ARMC6: variants seen among roughly 807,000 people sequenced by gnomAD.
ARMC6 encodes armadillo repeat containing 6.
ARMC6 carries 43 observed loss-of-function variants against 49.2 expected under a neutral mutation model. The observed-to-expected ratio is 0.87, with a 90% CI of 0.69 to 1.13. The LOEUF is 1.13. ARMC6 is among the 50% of genes most tolerant of loss of function. The pLI is 0.00. For synonymous variants in ARMC6, 262 were observed against 289.6 expected (o/e 0.90, Z 0.97); for missense variants, 627 against 682.0 (o/e 0.92, Z 0.90).
At position 19,051,670 on chromosome 19, in the gene ARMC6, G is replaced by A. The variant is rs1206061772; in HGVS notation, c.328G>A (p.Val110Met). ...ESVASSRPQE[V>M]SAYLTRFCDQ... ...TGTGGCCAGCTCTCGCCCCCAGGAG[G>A]TGTCAGCATACCTCACCCGCTTCTG... The change falls in exon 5 of 9, where the codon GTG becomes ATG. Residue 110 changes from valine to methionine, a missense_variant. Coordinates refer to ENST00000535612, the MANE Select transcript of ARMC6 (RefSeq NM_001199196.2). The A allele has an allele frequency of 1.9e-6, 3 of 1,612,972 alleles. No homozygotes were observed. Among genetic ancestry groups the A allele is most frequent in the African/African-American group, 2.7e-5 (2 of 74,898 alleles).
rs1159576897 is a variant in ARMC6 at position 19,033,661 on chromosome 19, G to A, written c.-349G>A. The stretch of plus-strand genomic sequence containing the variant: ...GCTTCTTCTGGGCGGACGCTCTGGA[G>A]GCAAAACATTTCCCTGCTGGGGGCG... On this transcript the variant is annotated 5_prime_UTR_variant, in exon 1 of 9. Coordinates refer to ENST00000535612, the MANE Select transcript of ARMC6 (RefSeq NM_001199196.2). 4 of 758,594 alleles carry A rather than the reference G, an allele frequency of 5.3e-6. No individual in the cohort carries two copies. The highest frequency in any genetic ancestry group is 9.9e-5 in the Admixed American group (2 of 20,260). The allele number at this position is 758,594 out of a possible 1,614,324, so 47.0% of individuals were successfully genotyped here. A position where few individuals can be genotyped will look rare whatever the true frequency, so the allele number is the denominator to read the frequency against.
chr19:19,051,947 T>C lies in ARMC6; in HGVS notation c.605T>C (p.Val202Ala), dbSNP rs2059500795. 1.2e-6 allele frequency: 2 copies of C among 1,614,044 alleles called. No individual in the cohort carries two copies. Among genetic ancestry groups the C allele is most frequent in the South Asian group, 2.2e-5 (2 of 91,088 alleles). The change falls in exon 5 of 9, where the codon GTG becomes GCG. Residue 202 changes from valine to alanine, a missense_variant. Physicochemically the swap from Val to Ala is moderately conservative, Grantham distance 64 (BLOSUM62 0). Transcript: ENST00000535612. ...ADLTCSGIRC[V>A]RHACLKHEQN... ...CTGACCTGCTCTGGGATCCGCTGTGTGCGTCACGCTTGCCTGAAACATGAA... is the reference window on the plus strand; with the variant it reads ...CTGACCTGCTCTGGGATCCGCTGTGCGCGTCACGCTTGCCTGAAACATGAA...
In ARMC6 at chr19:19,055,563, T is replaced by C. The variant is rs1248372936; in HGVS notation, c.1155+167T>C. ...ACCTGCGTATGCATGACTTTGGGTG[T>C]CCTGGAGTTACCACCAGCACCCTGC... On this transcript the variant is annotated intron_variant, in intron 7 of 8. Coordinates refer to ENST00000535612, the MANE Select transcript of ARMC6 (RefSeq NM_001199196.2). The surrounding 1 kb of genome is among the most constrained non-coding windows in gnomAD (Gnocchi z 5.7). 3.3e-5 allele frequency among the ~76,000 whole-genome samples: 5 copies of C among 152,080 alleles called. No individual in the cohort carries two copies. The highest frequency in any genetic ancestry group is 3.3e-4 in the Admixed American group (5 of 15,274).
intron 5 of ARMC6, among the ~76,000 whole-genome samples, chr19:19,052,997 A>G (rs2059511808): frequency 6.6e-6 from 1 of 152,252 alleles, no homozygotes; most frequent in Admixed American, 6.5e-5. Flanking sequence ...GGTTTCTGCC[A>G]GAGACAGGAT....
intron 4 of ARMC6, among the ~76,000 whole-genome samples, chr19:19,046,927 G>GTTTTTTTTTTTTTTTTTTTTTTTTTT (rs386388691): frequency 9.5e-4 from 99 of 104,310 alleles, no homozygotes; most frequent in Non-Finnish European, 1.2e-3. Flanking sequence ...ATGCTCACCT[G>GTTTTTTTTTTTTTTTTTTTTTTTTTT]TTTTTTTTTT....
At position 19,037,666 on chromosome 19, in the gene ARMC6, A is replaced by G. The variant is rs999359885; in HGVS notation, c.29+3428A>G. 2.4e-5 allele frequency: 28 copies of G among 1,167,266 alleles called. No individual in the cohort carries two copies. The African/African-American group carries it at 3.8e-4, about 16-fold the overall frequency. The allele number at this position is 1,167,266 out of a possible 1,614,324, so 72.3% of individuals were successfully genotyped here. On this transcript the variant is annotated intron_variant, in intron 2 of 8. Transcript: ENST00000535612. Reference sequence around the variant, plus strand: ...ATGCCTGGCCTGAAGTGGAAACTTGATAATTCCAGAACGGAAACTTGATAT... The same window carrying G: ...ATGCCTGGCCTGAAGTGGAAACTTGGTAATTCCAGAACGGAAACTTGATAT...
Position 19,033,645 on chromosome 19 carries a change from GGGC to G in ARMC6, c.-362_-360del. 1 of 1,024,612 alleles carries G rather than the reference GGGC, an allele frequency of 9.8e-7. No individual in the cohort carries two copies. Among genetic ancestry groups the G allele is most frequent in the Non-Finnish European group, 1.2e-6 (1 of 821,678 alleles). The allele number at this position is 1,024,612 out of a possible 1,614,324, so 63.5% of individuals were successfully genotyped here. A position where few individuals can be genotyped will look rare whatever the true frequency, so the allele number is the denominator to read the frequency against. The stretch of plus-strand genomic sequence containing the variant: ...CGCAAGCGCGCTGTCCGCTTCTTCT[GGGC>G]GGACGCTCTGGAGGCAAAACATTTC... On this transcript the variant is annotated 5_prime_UTR_variant, in exon 1 of 9. Coordinates refer to ENST00000535612, the MANE Select transcript of ARMC6 (RefSeq NM_001199196.2).
Position 19,055,307 on chromosome 19 carries a change from G to A in ARMC6, c.1066G>A (p.Gly356Ser). The A allele has an allele frequency of 6.2e-7, 1 of 1,612,964 alleles. No individual in the cohort carries two copies. Among genetic ancestry groups the A allele is most frequent in the Non-Finnish European group, 8.5e-7 (1 of 1,179,362 alleles). ...GCTGAGCACCCTGCGAGCCATCGCA[G>A]GCAACGACGACGTGAAAGATGCTAT... ...QVLSTLRAIAGNDDVKDAIVR... is the reference protein window; with the variant it reads ...QVLSTLRAIASNDDVKDAIVR... Residue 356 changes from glycine (G) to serine (S), a missense_variant, in exon 7 of 9, where the codon GGC becomes AGC. Gly to Ser is a moderately conservative substitution (Grantham distance 56). Coordinates refer to ENST00000535612, the MANE Select transcript of ARMC6 (RefSeq NM_001199196.2). This position sits in a 1 kb window ranked among gnomAD's most constrained non-coding sequence, Gnocchi z 5.7.
chr19:19,037,231 T>C (rs1387764475), intron 2 of ARMC6, among the ~76,000 whole-genome samples: 1 of 151,400 alleles, frequency 6.6e-6, no homozygotes, highest in Non-Finnish European at 1.5e-5. Flanking sequence ...GGGAACTGGG[T>C]TCTGCAGGCT....
chr19:19,044,146 G>T, intron 4 of ARMC6, 72 bp downstream of exon 4: 2 of 1,443,886 alleles, frequency 1.4e-6, no homozygotes, highest in Non-Finnish European at 1.9e-6. Context: ...CTGTTTCCTG[G>T]ATGGCAGAAT....
intron 2 of ARMC6, among the ~76,000 whole-genome samples, chr19:19,034,463 A>C (rs567493879): frequency 6.6e-6 from 1 of 152,210 alleles, no homozygotes; most frequent in South Asian, 2.1e-4. Context: ...AGTGAGGTGG[A>C]GTCTAGGCTC....
chr19:19,055,693 G>C lies in ARMC6; in HGVS notation c.1156-98G>C. 6.8e-7 allele frequency: 1 copy of C among 1,471,326 alleles called. No homozygotes were observed. The highest frequency in any genetic ancestry group is 1.3e-5 in the South Asian group (1 of 74,180). The allele number at this position is 1,471,326 out of a possible 1,614,324, so 91.1% of individuals were successfully genotyped here. On this transcript the variant is annotated intron_variant, in intron 7 of 8. Transcript: ENST00000535612. The surrounding 1 kb of genome is among the most constrained non-coding windows in gnomAD (Gnocchi z 5.7). ...GGAGTTGCCAGAGACCCACGGAGGG[G>C]AGGCCGCAGGGTGTTCACCAGGGGT...
At chr19:19,052,631 G>A (rs78874984) in intron 5 of ARMC6, among the ~76,000 whole-genome samples, 3,072 of 152,294 alleles carry the variant, frequency 0.02, 101 homozygotes, top group African/African-American at 0.07. Flanking sequence ...GCTCCAGGGT[G>A]ACCATGGTGA....
chr19:19,041,624 C>T (rs1456018669), intron 2 of ARMC6, among the ~76,000 whole-genome samples: 1 of 152,110 alleles, frequency 6.6e-6, no homozygotes, highest in Non-Finnish European at 1.5e-5. Context: ...GTTGGGATTA[C>T]AGGCATGCGC....
intron 2 of ARMC6, among the ~76,000 whole-genome samples, chr19:19,040,972 C>T (rs1198165963): frequency 1.3e-5 from 2 of 152,140 alleles, no homozygotes; most frequent in South Asian, 2.1e-4. Flanking sequence ...TGGAATCAGC[C>T]ATTCCTCCAG....
Position 19,034,264 on chromosome 19 carries a change from G to A in ARMC6, c.29+26G>A, listed in dbSNP as rs368779026. The stretch of plus-strand genomic sequence containing the variant: ...GTAATGGTGTGCAAATAATAACAGA[G>A]TGATGGGACGGGAAAGCAGGGCTGC... On this transcript the variant is annotated intron_variant, in intron 2 of 8. Transcript: ENST00000535612. 1.8e-5 allele frequency: 29 copies of A among 1,591,130 alleles called. 1 individual carries two copies. Among genetic ancestry groups the A allele is most frequent in the Non-Finnish European group, 2.4e-5 (28 of 1,176,582 alleles).
chr19:19,054,300 G>A lies in ARMC6; in HGVS notation c.1002G>A (p.Met334Ile). 1 of 1,596,798 alleles carries A rather than the reference G, an allele frequency of 6.3e-7. No individual in the cohort carries two copies. Among genetic ancestry groups the A allele is most frequent in the Non-Finnish European group, 8.5e-7 (1 of 1,171,580 alleles). ...TAGCCGACTGCAATGACCACCAGAT[G>A]AGGGACCAGAGCGGCGTTCAGGTAT... The part of the protein sequence containing the change: ...SLLADCNDHQ[M>I]RDQSGVQELV... The change falls in exon 6 of 9, where the codon ATG (methionine) becomes ATA (isoleucine). Residue 334 changes from methionine to isoleucine, a missense_variant. Met to Ile is a conservative substitution (Grantham distance 10, BLOSUM62 1). Coordinates refer to ENST00000535612, the MANE Select transcript of ARMC6 (RefSeq NM_001199196.2).
chr19:19,056,145 CCTT>C (rs1358963881), intron 8 of ARMC6, among the ~76,000 whole-genome samples: 1 of 152,142 alleles, frequency 6.6e-6, no homozygotes, highest in African/African-American at 2.4e-5. Flanking sequence ...TCATTTGCCT[CCTT>C]CTCTGCCTTT....
intron 2 of ARMC6, among the ~76,000 whole-genome samples, chr19:19,040,367 C>T (rs1037055163): frequency 2.0e-5 from 3 of 152,138 alleles, no homozygotes; most frequent in African/African-American, 7.2e-5. Flanking sequence ...AGAACTTTTC[C>T]TCATCCTCTT....
Sources: allele counts gnomAD v4.1 joint callset (sites outside exome capture counted in the v4.1 genomes callset), GRCh38; gene constraint gnomAD v4.1.1; non-coding constraint Gnocchi (gnomAD v3.1); transcripts MANE v1.5; gene names NCBI Gene and HGNC (gene_info 2026-07-23, HGNC 2026-07-21).